Variants in REDIC1 observed in about 807,000 individuals in gnomAD.
REDIC1 encodes the protein HEI10 Interacting Protein 1.
At chr12:39,862,062 G>A in the REDIC1 span, among the ~76,000 whole-genome samples, 54 of 152,260 alleles carry the variant, frequency 3.5e-4, no homozygotes, top group African/African-American at 1.2e-3. Flanking sequence ...GCCAGTGTGT[G>A]TAGTTAGTTC....
At chr12:39,863,741 G>A in the REDIC1 span, among the ~76,000 whole-genome samples, 9 of 152,170 alleles carry the variant, frequency 5.9e-5, no homozygotes, top group East Asian at 1.9e-4. Context: ...AATAAAAGTC[G>A]TGCTATGATG....
chr12:39,885,068 T>C, the REDIC1 span, among the ~76,000 whole-genome samples: 2 of 152,330 alleles, frequency 1.3e-5, no homozygotes, highest in African/African-American at 2.4e-5. Context: ...GTGATATGAA[T>C]TGTGACTACA....
chr12:39,685,300 A>T, the REDIC1 span, among the ~76,000 whole-genome samples: 2 of 152,208 alleles, frequency 1.3e-5, no homozygotes, highest in African/African-American at 4.8e-5. Flanking sequence ...CTGTACAGGA[A>T]GCATGATGCT....
the REDIC1 span, among the ~76,000 whole-genome samples, chr12:39,678,878 G>A: frequency 1.3e-5 from 2 of 151,938 alleles, no homozygotes; most frequent in African/African-American, 4.8e-5. Flanking sequence ...TGCAGAAAAA[G>A]CATTTTACAA....
At chr12:39,820,262 G>T in the REDIC1 span, among the ~76,000 whole-genome samples, 1 of 152,098 alleles carries the variant, frequency 6.6e-6, no homozygotes, top group African/African-American at 2.4e-5. Flanking sequence ...CCTAACAGAG[G>T]GCAAGTGAAG....
the REDIC1 span, among the ~76,000 whole-genome samples, chr12:39,713,268 G>GTGTACACACACATACGTGTATATA: frequency 2.4e-5 from 1 of 42,350 alleles, no homozygotes; most frequent in South Asian, 4.6e-4. Context: ...GTGTATATAT[G>GTGTACACACACATACGTGTATATA]TGTACACACA....
the REDIC1 span, among the ~76,000 whole-genome samples, chr12:39,814,384 A>G: frequency 6.6e-6 from 1 of 152,244 alleles, no homozygotes; most frequent in Non-Finnish European, 1.5e-5. Context: ...GAGAGTAAAG[A>G]GAAAACATCT....
chr12:39,811,624 T>A, the REDIC1 span, among the ~76,000 whole-genome samples: 8 of 152,114 alleles, frequency 5.3e-5, no homozygotes, highest in East Asian at 5.8e-4. Context: ...TTTGTGAAAA[T>A]TTTTTTTACT....
At chr12:39,906,841 C>T in the REDIC1 span, among the ~76,000 whole-genome samples, 1 of 152,124 alleles carries the variant, frequency 6.6e-6, no homozygotes, top group South Asian at 2.1e-4. Flanking sequence ...CCCAATATCC[C>T]TTGAAGTATG....
chr12:39,665,104 T>A, the REDIC1 span, among the ~76,000 whole-genome samples: 1 of 152,254 alleles, frequency 6.6e-6, no homozygotes, highest in South Asian at 2.1e-4. Context: ...ATTTTGGCTT[T>A]TGTTGCCATT....
At chr12:39,821,751 C>T in the REDIC1 span, among the ~76,000 whole-genome samples, 1 of 152,154 alleles carries the variant, frequency 6.6e-6, no homozygotes, top group South Asian at 2.1e-4. Context: ...ATTGGTTCCA[C>T]TCTAATTTCC....
the REDIC1 span, among the ~76,000 whole-genome samples, chr12:39,886,400 C>G: frequency 7.9e-5 from 12 of 151,926 alleles, no homozygotes; most frequent in Non-Finnish European, 1.6e-4. Context: ...ACCGGTAGGA[C>G]CTTTCACAGC....
At chr12:39,904,688 C>G in the REDIC1 span, among the ~76,000 whole-genome samples, 43 of 152,106 alleles carry the variant, frequency 2.8e-4, no homozygotes, top group African/African-American at 9.2e-4. Flanking sequence ...CCAGCCTGTC[C>G]TTATATGCCC....
At chr12:39,830,698 A>G in the REDIC1 span, among the ~76,000 whole-genome samples, 1 of 152,208 alleles carries the variant, frequency 6.6e-6, no homozygotes, top group Non-Finnish European at 1.5e-5. Flanking sequence ...ATCCTGAAAA[A>G]GAAAATTCAA....
At chr12:39,741,567 A>G in the REDIC1 span, among the ~76,000 whole-genome samples, 1 of 152,226 alleles carries the variant, frequency 6.6e-6, no homozygotes, top group African/African-American at 2.4e-5. Context: ...TTTTGAGTCA[A>G]TATGAGTGAC....
chr12:39,862,412 G>A, the REDIC1 span, among the ~76,000 whole-genome samples: 1 of 152,214 alleles, frequency 6.6e-6, no homozygotes, highest in African/African-American at 2.4e-5. Context: ...ATTTCTACAA[G>A]TGGACGTGCT....
the REDIC1 span, among the ~76,000 whole-genome samples, chr12:39,645,297 T>C: frequency 6.6e-6 from 1 of 151,974 alleles, no homozygotes; most frequent in African/African-American, 2.4e-5. Context: ...AGTACTCTAC[T>C]GGGTGCTGAG....
chr12:39,760,143 G>A, the REDIC1 span: 2 of 1,612,842 alleles, frequency 1.2e-6, no homozygotes, highest in African/African-American at 1.3e-5. Context: ...ATAGCCTGTT[G>A]TCAAAGAGTG....
the REDIC1 span, among the ~76,000 whole-genome samples, chr12:39,695,433 G>T: frequency 1.3e-5 from 2 of 152,102 alleles, no homozygotes; most frequent in African/African-American, 2.4e-5. Flanking sequence ...GAACCCTTGG[G>T]TCTTAAGGGA....
Sources: gnomAD v4.1 joint callset for allele counts (sites outside exome capture counted in the v4.1 genomes callset) on GRCh38, gnomAD v4.1.1 for gene constraint, MANE v1.5 for transcripts, NCBI Gene and HGNC (gene_info 2026-07-23, HGNC 2026-07-21) for gene names.